The following SEMA3A variants were observed in gnomAD, a reference collection of about 807,000 sequenced individuals.
SEMA3A encodes the protein semaphorin 3A, also known as semaphorin-3A.
Under a neutral mutation model 97.9 loss-of-function variants are expected in SEMA3A, and 29 were observed. That is an observed-to-expected ratio of 0.30 (90% CI 0.22 to 0.40). The LOEUF (loss-of-function observed/expected upper bound fraction) is 0.40, where lower values mean the gene tolerates loss of function less well. SEMA3A is among the 10% of genes least tolerant of loss of function. SEMA3A has a pLI of 1.00. For synonymous variants in SEMA3A, 321 were observed against 323.7 expected, an observed-to-expected ratio of 0.99 and a Z score of 0.09; for missense variants, 763 against 951.3, an observed-to-expected ratio of 0.80 and a Z score of 2.60.
chr7:84,030,987 G>GTTTTTTTTTTTTTTTTTTTTTTTTT, intron 6 of SEMA3A, among the ~76,000 whole-genome samples: 1 of 95,022 alleles, frequency 1.1e-5, no homozygotes, highest in Admixed American at 1.4e-4. Flanking sequence ...TTTTGGTCAA[G>GTTTTTTTTTTTTTTTTTTTTTTTTT]TTTTTTTTTT....
chr7:84,059,360 A>C (rs1389584192), intron 5 of SEMA3A, among the ~76,000 whole-genome samples: 6 of 152,102 alleles, frequency 3.9e-5, no homozygotes, highest in Admixed American at 3.3e-4. Context: ...TTCTTAATAG[A>C]ATAAGGATCA....
At chr7:84,191,926 C>T (rs968470921) in intron 1 of SEMA3A, among the ~76,000 whole-genome samples, 16 of 151,752 alleles carry the variant, frequency 1.1e-4, no homozygotes, top group South Asian at 4.1e-4. Flanking sequence ...TATGTACACC[C>T]GCTACAAAGG....
intron 12 of SEMA3A, among the ~76,000 whole-genome samples, chr7:83,996,188 T>C (rs183982044): frequency 6.6e-6 from 1 of 152,274 alleles, no homozygotes; most frequent in East Asian, 1.9e-4. Flanking sequence ...TAGGCTTTTA[T>C]ATCTTCTGAG....
At chr7:84,006,121 G>A (rs1345715727) in intron 10 of SEMA3A, among the ~76,000 whole-genome samples, 1 of 152,034 alleles carries the variant, frequency 6.6e-6, no homozygotes, top group Non-Finnish European at 1.5e-5. Flanking sequence ...CCACAAGCAT[G>A]AGTGTTATTA....
chr7:84,100,324 C>T (rs958450019), intron 4 of SEMA3A, among the ~76,000 whole-genome samples: 6 of 152,116 alleles, frequency 3.9e-5, no homozygotes, highest in African/African-American at 1.4e-4. Context: ...TTTTCTTCTC[C>T]TATTGTATGG....
At chr7:84,404,896 A>C (rs1281770726) in intron 1 of SEMA3A, among the ~76,000 whole-genome samples, 44 of 148,508 alleles carry the variant, frequency 3.0e-4, no homozygotes, top group South Asian at 6.4e-4. Flanking sequence ...TGAAGGAAGC[A>C]CTAAACATGG....
intron 4 of SEMA3A, among the ~76,000 whole-genome samples, chr7:84,097,733 T>C (rs1583962289): frequency 6.6e-6 from 1 of 152,288 alleles, no homozygotes; most frequent in South Asian, 2.1e-4. Context: ...TTGGGTAGTA[T>C]TACCAAATAT....
intron 3 of SEMA3A, among the ~76,000 whole-genome samples, chr7:84,241,731 G>A (rs1799369740): frequency 6.6e-6 from 1 of 152,070 alleles, no homozygotes; most frequent in Non-Finnish European, 1.5e-5. Context: ...GTATTGCCTA[G>A]GTTTTCTTCT....
chr7:84,389,876 T>C (rs1803496642), intron 1 of SEMA3A, among the ~76,000 whole-genome samples: 2 of 152,146 alleles, frequency 1.3e-5, no homozygotes, highest in South Asian at 4.1e-4. Context: ...TCTAAAACTT[T>C]TTTTAAACCA....
At chr7:84,320,263 T>G (rs1295766922) in intron 2 of SEMA3A, among the ~76,000 whole-genome samples, 1 of 152,150 alleles carries the variant, frequency 6.6e-6, no homozygotes, top group Non-Finnish European at 1.5e-5. Context: ...TTTTTGTCTC[T>G]GGGTATTATA....
intron 14 of SEMA3A, among the ~76,000 whole-genome samples, chr7:83,978,841 T>C (rs6968044): frequency 0.017 from 2,621 of 152,272 alleles, 69 homozygotes; most frequent in African/African-American, 0.06. Context: ...CTAAACATCC[T>C]TTTTAAAGAC....
chr7:84,300,163 GA>G (rs143705526), intron 3 of SEMA3A, among the ~76,000 whole-genome samples: 24 of 143,022 alleles, frequency 1.7e-4, no homozygotes, highest in South Asian at 6.7e-4. Flanking sequence ...AAATAAAATA[GA>G]AAAAAAAACA....
At position 83,980,340 on chromosome 7, in the gene SEMA3A, C is replaced by T. The variant is rs996584798; in HGVS notation, c.1652+981G>A. 2.6e-5 allele frequency among the ~76,000 whole-genome samples: 4 copies of T among 151,772 alleles called. No homozygotes were observed. In the South Asian group the frequency reaches 6.2e-4, roughly 24 times the overall value. On this transcript the variant is annotated intron_variant, in intron 14 of 16. Transcript: ENST00000265362. ...TATATATGCTGGGCGCAGTGGCACACGACTGTAATCCCTGTAATCCCTCTC... is the reference window on the plus strand; with the variant it reads ...TATATATGCTGGGCGCAGTGGCACATGACTGTAATCCCTGTAATCCCTCTC...
chr7:83,973,504 C>T (rs565490747), intron 15 of SEMA3A, among the ~76,000 whole-genome samples: 12 of 152,150 alleles, frequency 7.9e-5, no homozygotes, highest in African/African-American at 2.9e-4. Context: ...ACATCATGCT[C>T]ATCTATCAAA....
intron 3 of SEMA3A, among the ~76,000 whole-genome samples, chr7:84,269,721 C>T (rs1041800768): frequency 6.6e-6 from 1 of 152,084 alleles, no homozygotes; most frequent in Non-Finnish European, 1.5e-5. Context: ...AAAAGCAACT[C>T]TCCACTTAGA....
intron 1 of SEMA3A, among the ~76,000 whole-genome samples, chr7:84,414,005 A>G (rs527427191): frequency 6.6e-6 from 1 of 152,228 alleles, no homozygotes; most frequent in East Asian, 1.9e-4. Flanking sequence ...ATTAGATTCA[A>G]GGTCACATAT....
chr7:84,192,825 A>C lies in SEMA3A; in HGVS notation c.112+1650T>G, dbSNP rs576077861. ...ATCATGATTTTAAACTTGTTAAACT[A>C]AAAGTATTACAAATAGCCAGTCACA... On this transcript the variant is annotated intron_variant, in intron 1 of 16. Transcript: ENST00000265362. Among the ~76,000 whole-genome samples, 12 of 152,066 alleles carry C rather than the reference A, an allele frequency of 7.9e-5. No homozygotes were observed. In the South Asian group the frequency reaches 2.3e-3, roughly 29 times the overall value.
chr7:84,019,211 G>A (rs2116434448), intron 6 of SEMA3A, among the ~76,000 whole-genome samples: 1 of 152,254 alleles, frequency 6.6e-6, no homozygotes, highest in African/African-American at 2.4e-5. Context: ...GAGAGCATGT[G>A]AGCAAGGGAA....
intron 3 of SEMA3A, among the ~76,000 whole-genome samples, chr7:84,280,726 A>G (rs1800421221): frequency 1.3e-5 from 2 of 152,036 alleles, no homozygotes; most frequent in Non-Finnish European, 2.9e-5. Context: ...GGTTGTAGTG[A>G]CTTGAGATCG....
Sources: allele counts gnomAD v4.1 joint callset (sites outside exome capture counted in the v4.1 genomes callset), GRCh38; gene constraint gnomAD v4.1.1; transcripts MANE v1.5; gene names NCBI Gene and HGNC (gene_info 2026-07-23, HGNC 2026-07-21).